Variants in C8orf34 observed in about 807,000 individuals in gnomAD.
C8orf34 encodes chromosome 8 open reading frame 34, also known as uncharacterized protein C8orf34.
Under a neutral mutation model 68.3 loss-of-function variants are expected in C8orf34, and 65 were observed. The observed-to-expected ratio is 0.95, with a 90% confidence interval of 0.78 to 1.17. C8orf34 has a LOEUF of 1.17. Ranked by LOEUF, C8orf34 falls within the 50% of genes most tolerant of loss-of-function variation. The pLI is 0.00. For missense variants in C8orf34, 664 were observed against 655.4 expected, an observed-to-expected ratio of 1.01 and a Z score of -0.14; for synonymous variants, 244 against 241.2, an observed-to-expected ratio of 1.01 and a Z score of -0.11.
intron 1 of C8orf34, among the ~76,000 whole-genome samples, chr8:68,419,702 A>G (rs1028184214): frequency 5.3e-5 from 8 of 151,746 alleles, no homozygotes; most frequent in African/African-American, 1.7e-4. Context: ...ATTGGAAATC[A>G]TCATTCTCAG....
intron 7 of C8orf34, among the ~76,000 whole-genome samples, chr8:68,632,669 G>A (rs1347709538): frequency 1.3e-5 from 2 of 152,072 alleles, no homozygotes; most frequent in Admixed American, 6.6e-5. Flanking sequence ...TATGGGTCAG[G>A]CCAGGGCCCT....
chr8:68,435,071 T>C (rs893295704), intron 1 of C8orf34, among the ~76,000 whole-genome samples: 1 of 150,478 alleles, frequency 6.6e-6, no homozygotes, highest in Non-Finnish European at 1.5e-5. Flanking sequence ...AAAGAGAATA[T>C]TGATTCATTT....
intron 10 of C8orf34, among the ~76,000 whole-genome samples, chr8:68,745,328 A>G (rs1209064524): frequency 1.3e-5 from 2 of 152,162 alleles, no homozygotes; most frequent in African/African-American, 4.8e-5. Flanking sequence ...TGCATCAACT[A>G]ATGAGCAAAA....
At chr8:68,786,379 G>A (rs1823846629) in intron 11 of C8orf34, among the ~76,000 whole-genome samples, 1 of 152,154 alleles carries the variant, frequency 6.6e-6, no homozygotes, top group African/African-American at 2.4e-5. Context: ...GGATATAGTA[G>A]ATGCTAGGAA....
chr8:68,502,776 G>A (rs1054658428), intron 5 of C8orf34, among the ~76,000 whole-genome samples: 4 of 152,176 alleles, frequency 2.6e-5, no homozygotes, highest in African/African-American at 9.7e-5. Flanking sequence ...GTACATTAAT[G>A]GATCTAGCAA....
intron 3 of C8orf34, among the ~76,000 whole-genome samples, chr8:68,467,460 TAG>T (rs140085687): frequency 0.19 from 29,269 of 151,798 alleles, 3,320 homozygotes; most frequent in Middle Eastern, 0.3. Flanking sequence ...TAAAAATTTT[TAG>T]AGACTTCTCT....
At chr8:68,589,798 AATCAG>A (rs1817326615) in intron 7 of C8orf34, among the ~76,000 whole-genome samples, 6 of 148,260 alleles carry the variant, frequency 4.0e-5, no homozygotes, top group African/African-American at 1.5e-4. Context: ...GAGAGAAGGG[AATCAG>A]GAAGGAGGGA....
rs181556611 is a variant in C8orf34 at position 68,424,063 on chromosome 8, C to T, written c.328-15436C>T. 3.9e-5 allele frequency among the ~76,000 whole-genome samples: 6 copies of T among 152,190 alleles called. No individual in the cohort carries two copies. The East Asian group carries it at 9.7e-4, about 25-fold the overall frequency. ...AGAGCCACACCATATCACCTGTGCCCCTGCCTTCCATGAAATGACATAAGA... is the reference window on the plus strand; with the variant it reads ...AGAGCCACACCATATCACCTGTGCCTCTGCCTTCCATGAAATGACATAAGA... On this transcript the variant is annotated intron_variant, in intron 1 of 13. Coordinates refer to ENST00000518698, the MANE Select transcript of C8orf34 (RefSeq NM_052958.4).
intron 5 of C8orf34, among the ~76,000 whole-genome samples, chr8:68,497,266 A>G (rs1178461206): frequency 6.6e-6 from 1 of 152,228 alleles, no homozygotes; most frequent in Non-Finnish European, 1.5e-5. Flanking sequence ...TCTTAACTAC[A>G]TAAAAAGATG....
chr8:68,776,831 T>C (rs7817788), intron 11 of C8orf34, among the ~76,000 whole-genome samples: 73,549 of 152,142 alleles, frequency 0.48, 20,361 homozygotes, highest in African/African-American at 0.76. Context: ...AGGTCTGGAT[T>C]CATTCATGGG....
intron 1 of C8orf34, among the ~76,000 whole-genome samples, chr8:68,345,788 G>A (rs1386993964): frequency 2.0e-5 from 3 of 151,950 alleles, no homozygotes; most frequent in African/African-American, 4.8e-5. Flanking sequence ...TGTGTGTGGT[G>A]TATGTGTCAA....
chr8:68,423,093 G>T, intron 1 of C8orf34, among the ~76,000 whole-genome samples: 1 of 152,192 alleles, frequency 6.6e-6, no homozygotes, highest in East Asian at 1.9e-4. Flanking sequence ...CATGCGCAGA[G>T]ATATTTTTTC....
chr8:68,432,869 T>A (rs1390323161), intron 1 of C8orf34, among the ~76,000 whole-genome samples: 1 of 152,058 alleles, frequency 6.6e-6, no homozygotes, highest in African/African-American at 2.4e-5. Context: ...CTTAGGGGTG[T>A]AATGAGGCAG....
intron 7 of C8orf34, among the ~76,000 whole-genome samples, chr8:68,548,335 A>C (rs1325081679): frequency 1.3e-5 from 2 of 151,966 alleles, no homozygotes; most frequent in African/African-American, 4.8e-5. Flanking sequence ...CCTGCAAATC[A>C]GTTTTTTAAA....
intron 12 of C8orf34, among the ~76,000 whole-genome samples, chr8:68,812,037 TA>T (rs1170266003): frequency 2.0e-5 from 3 of 152,162 alleles, no homozygotes; most frequent in African/African-American, 7.2e-5. Context: ...GAAAGAGTTT[TA>T]ACATAAAGAA....
At chr8:68,690,721 A>T (rs115997717) in intron 8 of C8orf34, among the ~76,000 whole-genome samples, 10 of 152,178 alleles carry the variant, frequency 6.6e-5, no homozygotes, top group African/African-American at 2.4e-4. Context: ...TCAGGGGGAA[A>T]CATTCAGACC....
intron 8 of C8orf34, among the ~76,000 whole-genome samples, chr8:68,653,433 TTC>T (rs1286354977): frequency 1.3e-5 from 2 of 152,210 alleles, no homozygotes; most frequent in African/African-American, 4.8e-5. Context: ...CTAATTTACA[TTC>T]TAAAATCCTG....
chr8:68,721,229 T>C, intron 9 of C8orf34, 132 bp from the exon 10 acceptor site: 1 of 596,022 alleles, frequency 1.7e-6, no homozygotes, highest in Non-Finnish European at 3.0e-6. Context: ...CGTTCTATTT[T>C]AACTCACAAA....
At chr8:68,583,134 C>G (rs749251272) in intron 7 of C8orf34, among the ~76,000 whole-genome samples, 2 of 151,982 alleles carry the variant, frequency 1.3e-5, no homozygotes, top group African/African-American at 2.4e-5. Context: ...TCAAAATAAT[C>G]CTTATGCAAA....
Sources: gnomAD v4.1 joint callset for allele counts (sites outside exome capture counted in the v4.1 genomes callset) on GRCh38, gnomAD v4.1.1 for gene constraint, MANE v1.5 for transcripts, NCBI Gene and HGNC (gene_info 2026-07-23, HGNC 2026-07-21) for gene names.